ARHGEF3: variants seen among roughly 807,000 people sequenced by gnomAD.
The protein encoded by ARHGEF3 is Rho guanine nucleotide exchange factor 3, also known as 59.8 kDA protein.
ARHGEF3 carries 28 observed loss-of-function variants against 63.2 expected under a neutral mutation model. The observed-to-expected ratio is 0.44, with a 90% CI of 0.33 to 0.61. ARHGEF3 has a LOEUF of 0.61. Among genes scored for constraint, ARHGEF3 ranks in the 20% least tolerant of loss-of-function variants. The pLI is 0.03. For synonymous variants in ARHGEF3, 266 were observed against 254.2 expected (o/e 1.05, Z -0.44); for missense variants, 533 against 659.3 (o/e 0.81, Z 2.10).
chr3:56,758,759 C>T (rs1309950446), intron 2 of ARHGEF3, among the ~76,000 whole-genome samples: 2 of 152,166 alleles, frequency 1.3e-5, no homozygotes, highest in Non-Finnish European at 2.9e-5. Flanking sequence ...CACAGATCGC[C>T]AGCACTCGGA....
chr3:56,968,031 T>G (rs1700671427), intron 2 of ARHGEF3, among the ~76,000 whole-genome samples: 1 of 26,352 alleles, frequency 3.8e-5, no homozygotes, highest in South Asian at 2.2e-3. Flanking sequence ...CATATATATT[T>G]AATATATATA....
At position 56,751,071 on chromosome 3, in the gene ARHGEF3, G is replaced by A. The variant is rs1343306236; in HGVS notation, c.597C>T (p.Pro199=). The change falls in exon 6 of 10, where the codon CCC becomes CCT. Residue 199 remains proline (P), a synonymous_variant. Coordinates refer to ENST00000296315, the MANE Select transcript of ARHGEF3 (RefSeq NM_019555.3). The part of the protein sequence containing the change: ...KPDGSTEHVG[P]ILVGWLPCLS... ...ACTTTCTTACCCAGCCCACGAGGATGGGACCAACATGTTCAGTCGAGCCAT... is the reference window on the plus strand; with the variant it reads ...ACTTTCTTACCCAGCCCACGAGGATAGGACCAACATGTTCAGTCGAGCCAT... The A allele has an allele frequency of 6.2e-7, 1 of 1,613,834 alleles. No homozygotes were observed. The highest frequency in any genetic ancestry group is 8.5e-7 in the Non-Finnish European group (1 of 1,179,878).
chr3:56,752,082 CT>C (rs11328785), intron 4 of ARHGEF3, among the ~76,000 whole-genome samples: 58,984 of 147,996 alleles, frequency 0.4, 15,234 homozygotes, highest in African/African-American at 0.72. Context: ...ATATTTTTTT[CT>C]TTTTTTTTTT....
intron 3 of ARHGEF3, among the ~76,000 whole-genome samples, chr3:56,901,654 G>T (rs2041513432): frequency 6.7e-6 from 1 of 149,858 alleles, no homozygotes; most frequent in African/African-American, 2.5e-5. Flanking sequence ...CACAGTCACT[G>T]CTCACTGTAG....
chr3:56,901,971 A>T (rs563213565), intron 3 of ARHGEF3, among the ~76,000 whole-genome samples: 2 of 152,328 alleles, frequency 1.3e-5, no homozygotes, highest in Admixed American at 1.3e-4. Flanking sequence ...TCCAAAAGGC[A>T]CATCATAGCC....
chr3:56,792,060 C>A, intron 1 of ARHGEF3, among the ~76,000 whole-genome samples: 1 of 143,268 alleles, frequency 7.0e-6, no homozygotes, highest in South Asian at 2.2e-4. Context: ...GAGCCAAGAT[C>A]TTGCTGCTGC....
At chr3:56,765,097 A>T (rs1005105727) in intron 2 of ARHGEF3, among the ~76,000 whole-genome samples, 1 of 152,156 alleles carries the variant, frequency 6.6e-6, no homozygotes, top group Non-Finnish European at 1.5e-5. Context: ...AACAATAAAC[A>T]GTAATATTCT....
intron 4 of ARHGEF3, among the ~76,000 whole-genome samples, chr3:56,815,027 A>C (rs1039383): frequency 0.22 from 34,068 of 151,992 alleles, 4,001 homozygotes; most frequent in South Asian, 0.37. Context: ...GCCTATGGTG[A>C]CAGCTACTCA....
intron 2 of ARHGEF3, among the ~76,000 whole-genome samples, chr3:57,018,085 C>T (rs756462043): frequency 1.3e-5 from 2 of 152,102 alleles, no homozygotes; most frequent in Non-Finnish European, 2.9e-5. Flanking sequence ...TTGAGACCAG[C>T]CTGGCCAACA....
At position 57,074,117 on chromosome 3, in the gene ARHGEF3, A is replaced by G. The variant is rs1706089841; in HGVS notation, c.-28+5109T>C. 1.9e-6 allele frequency: 3 copies of G among 1,614,020 alleles called. No homozygotes were observed. In the East Asian group the frequency reaches 6.7e-5, roughly 36 times the overall value. On this transcript the variant is annotated intron_variant, in intron 1 of 12. Coordinates refer to the ARHGEF3 transcript ENST00000338458. Reference sequence around the variant, plus strand: ...AAGATGGGGATAATGAGAGGACCACAGGATGGTTGTGGAGACTGTGTGAGG... The same window carrying G: ...AAGATGGGGATAATGAGAGGACCACGGGATGGTTGTGGAGACTGTGTGAGG...
intron 4 of ARHGEF3, among the ~76,000 whole-genome samples, chr3:56,807,044 C>G (rs368320145): frequency 6.6e-6 from 1 of 151,990 alleles, no homozygotes; most frequent in African/African-American, 2.4e-5. Context: ...CCACCACGCC[C>G]GGCTAATTTT....
chr3:56,838,212 G>A (rs1291017628), intron 4 of ARHGEF3, among the ~76,000 whole-genome samples: 3 of 152,036 alleles, frequency 2.0e-5, no homozygotes, highest in Non-Finnish European at 4.4e-5. Context: ...GTTTTGTAAA[G>A]TATGTAAAAA....
chr3:56,978,089 G>C (rs1701191977), intron 2 of ARHGEF3, among the ~76,000 whole-genome samples: 1 of 152,172 alleles, frequency 6.6e-6, no homozygotes, highest in Non-Finnish European at 1.5e-5. Flanking sequence ...GGGGACCCCA[G>C]GTGCGGTCAC....
intron 4 of ARHGEF3, among the ~76,000 whole-genome samples, chr3:56,854,342 T>C (rs140006519): frequency 6.6e-6 from 1 of 152,176 alleles, no homozygotes; most frequent in African/African-American, 2.4e-5. Context: ...GAAGGAGCAG[T>C]GCAATGGAGA....
At chr3:57,033,088 A>G (rs979836113) in intron 2 of ARHGEF3, among the ~76,000 whole-genome samples, 1 of 152,326 alleles carries the variant, frequency 6.6e-6, no homozygotes, top group South Asian at 2.1e-4. Context: ...AAAGACTAGC[A>G]AAATTAAAAA....
intron 2 of ARHGEF3, among the ~76,000 whole-genome samples, chr3:57,018,476 G>A (rs9876364): frequency 0.01 from 1,558 of 152,272 alleles, 35 homozygotes; most frequent in African/African-American, 0.035. Context: ...TGCAAGGAAA[G>A]CAGAGCAAAG....
At chr3:56,774,222 C>G (rs77951391) in intron 1 of ARHGEF3, among the ~76,000 whole-genome samples, 1,870 of 152,182 alleles carry the variant, frequency 0.012, 73 homozygotes, top group East Asian at 0.11. Context: ...CTTTAAAAAC[C>G]TTTTCCCCAT....
intron 1 of ARHGEF3, among the ~76,000 whole-genome samples, chr3:56,794,592 A>G (rs531705949): frequency 3.2e-4 from 48 of 152,142 alleles, no homozygotes; most frequent in Admixed American, 2.4e-3. Flanking sequence ...CTGAACACAG[A>G]CGGAGTACAG....
intron 3 of ARHGEF3, among the ~76,000 whole-genome samples, chr3:56,914,665 T>TGGTAGAA (rs2041939034): frequency 6.6e-6 from 1 of 152,176 alleles, no homozygotes; most frequent in Non-Finnish European, 1.5e-5. Flanking sequence ...CGGAATATTC[T>TGGTAGAA]TAAAGGAAGG....
Sources: gnomAD v4.1 joint callset for allele counts (sites outside exome capture counted in the v4.1 genomes callset) on GRCh38, gnomAD v4.1.1 for gene constraint, MANE v1.5 for transcripts, NCBI Gene and HGNC (gene_info 2026-07-23, HGNC 2026-07-21) for gene names.